The following B3GNT9 variants were observed in gnomAD, a reference collection of about 807,000 sequenced individuals.
The protein encoded by B3GNT9 is BGnT-9.
For synonymous variants in B3GNT9, 359 were observed against 283.9 expected, an observed-to-expected ratio of 1.26 and a Z score of -2.66; for missense variants, 669 against 599.2, an observed-to-expected ratio of 1.12 and a Z score of -1.22.
chr16:67,149,722 C>T lies in B3GNT9; in HGVS notation c.764G>A (p.Gly255Asp), dbSNP rs757372765. The change falls in exon 2 of 2, where the codon GGT (glycine) becomes GAT (aspartate). Residue 255 changes from glycine (G) to aspartate (D), a missense_variant. Coordinates refer to ENST00000449549, the MANE Select transcript of B3GNT9 (RefSeq NM_033309.3). ...PRDPAQDLLA[G>D]DVIVHARPIR... ...GGGCCGCGCATGCACAATTACGTCA[C>T]CAGCAAGCAGGTCTTGCGCCGGGTC... 1.2e-6 allele frequency: 2 copies of T among 1,613,412 alleles called. No homozygotes were observed. The highest frequency in any genetic ancestry group is 1.3e-5 in the African/African-American group (1 of 74,940).
Position 67,149,613 on chromosome 16 carries a change from G to T in B3GNT9, c.873C>A (p.Gly291=). ...PAYPAYAGGG[G]FVLSGATLHR... is the part of the protein sequence containing the mutation. ...GCAGCGTGGCCCCGGAAAGCACAAAGCCACCGCCGCCCGCGTAGGCCGGAT... is the reference window on the plus strand; with the variant it reads ...GCAGCGTGGCCCCGGAAAGCACAAATCCACCGCCGCCCGCGTAGGCCGGAT... Residue 291 remains glycine, a synonymous_variant, in exon 2 of 2, where the codon GGC becomes GGA. Transcript: ENST00000449549. 6.3e-7 allele frequency: 1 copy of T among 1,596,932 alleles called. No homozygotes were observed. Among genetic ancestry groups the T allele is most frequent in the Non-Finnish European group, 8.5e-7 (1 of 1,172,232 alleles).
Position 67,149,715 on chromosome 16 carries a change from T to TA in B3GNT9, c.770dup (p.Ile258AsnfsTer12), listed in dbSNP as rs1567659782. ...TGCGGATGGGCCGCGCATGCACAAT[T>TA]ACGTCACCAGCAAGCAGGTCTTGCG... On this transcript the variant is annotated frameshift_variant, in exon 2 of 2. Transcript: ENST00000449549. LOFTEE classifies it low-confidence loss of function (END_TRUNC). 1 of 1,613,430 alleles carries TA rather than the reference T, an allele frequency of 6.2e-7. No homozygotes were observed. Among genetic ancestry groups the TA allele is most frequent in the Non-Finnish European group, 8.5e-7 (1 of 1,179,772 alleles).
chr16:67,150,104 C>T lies in B3GNT9; in HGVS notation c.382G>A (p.Asp128Asn). Residue 128 changes from aspartate to asparagine, a missense_variant, in exon 2 of 2, where the codon GAC becomes AAC. Asp to Asn is a conservative substitution (Grantham distance 23). Transcript: ENST00000449549. ...LLIAVKSVAE[D>N]FERRQAVRQT... is the part of the protein sequence containing the mutation. ...CGCACGGCTTGGCGCCGCTCGAAGT[C>T]CTCTGCCACCGACTTGACAGCAATA... is the stretch of plus-strand genomic sequence containing the variant. The T allele has an allele frequency of 6.8e-7, 1 of 1,472,686 alleles. No homozygotes were observed. The highest frequency in any genetic ancestry group is 9.0e-7 in the Non-Finnish European group (1 of 1,113,792). 91.2% of individuals were successfully genotyped at this position (1,472,686 alleles called of 1,614,324 possible).
At position 67,149,592 on chromosome 16, in the gene B3GNT9, C is replaced by A; in HGVS notation, c.894G>T (p.Thr298=). Reference sequence around the variant, plus strand: ...CACAGGCGCCAGCCAGGCGGTGCAGCGTGGCCCCGGAAAGCACAAAGCCAC... The same window carrying A: ...CACAGGCGCCAGCCAGGCGGTGCAGAGTGGCCCCGGAAAGCACAAAGCCAC... ...GGGGFVLSGA[T]LHRLAGACAQ... is the part of the protein sequence containing the mutation. Residue 298 remains threonine (T), a synonymous_variant, in exon 2 of 2, where the codon ACG becomes ACT. Transcript: ENST00000449549. The A allele has an allele frequency of 2.5e-6, 4 of 1,599,804 alleles. No individual in the cohort carries two copies. Among genetic ancestry groups the A allele is most frequent in the Non-Finnish European group, 3.4e-6 (4 of 1,173,606 alleles).
chr16:67,149,544 G>A lies in B3GNT9; in HGVS notation c.942C>T (p.Ile314=), dbSNP rs747170449. 3 of 1,608,622 alleles carry A rather than the reference G, an allele frequency of 1.9e-6. No homozygotes were observed. Among genetic ancestry groups the A allele is most frequent in the Middle Eastern group, 1.6e-4 (1 of 6,078 alleles). ...GACAQVELFP[I]DDVFLGMCLQ... is the part of the protein sequence containing the mutation. The stretch of plus-strand genomic sequence containing the variant: ...GACACATGCCCAGAAAGACGTCGTC[G>A]ATGGGGAAGAGCTCGACCTGCGCAC... The change falls in exon 2 of 2, where the codon ATC becomes ATT. Residue 314 remains isoleucine (I), a synonymous_variant. Transcript: ENST00000449549.
Position 67,149,649 on chromosome 16 carries a change from G to A in B3GNT9, c.837C>T (p.Gly279=). ...SKYYIPEAVY[G]LPAYPAYAGG... is the part of the protein sequence containing the mutation. ...CCGCGTAGGCCGGATAGGCGGGCAG[G>A]CCGTACACGGCCTCGGGGATGTAGT... The change falls in exon 2 of 2, where the codon GGC becomes GGT. Residue 279 remains glycine (G), a synonymous_variant. Transcript: ENST00000449549. 6.2e-7 allele frequency: 1 copy of A among 1,601,958 alleles called. No individual in the cohort carries two copies. Among genetic ancestry groups the A allele is most frequent in the South Asian group, 1.1e-5 (1 of 89,952 alleles).
rs372257645 is a variant in B3GNT9, at chr16:67,149,573, C to T, written c.913G>A (p.Ala305Thr). 8.1e-6 allele frequency: 13 copies of T among 1,605,172 alleles called. No homozygotes were observed. Among genetic ancestry groups the T allele is most frequent in the South Asian group, 4.4e-5 (4 of 89,936 alleles). Residue 305 changes from alanine to threonine, a missense_variant, in exon 2 of 2, where the codon GCC (alanine) becomes ACC (threonine). By Grantham distance (58) the Ala-to-Thr change is moderately conservative. Coordinates refer to ENST00000449549, the MANE Select transcript of B3GNT9 (RefSeq NM_033309.3). ...GGGAAGAGCTCGACCTGCGCACAGG[C>T]GCCAGCCAGGCGGTGCAGCGTGGCC... is the stretch of plus-strand genomic sequence containing the variant. ...SGATLHRLAG[A>T]CAQVELFPID...
Position 67,149,623 on chromosome 16 carries a change from C to T in B3GNT9, c.863G>A (p.Gly288Asp), listed in dbSNP as rs1182091476. ...CCCGGAAAGCACAAAGCCACCGCCG[C>T]CCGCGTAGGCCGGATAGGCGGGCAG... ...YGLPAYPAYA[G>D]GGGFVLSGAT... The change falls in exon 2 of 2, where the codon GGC becomes GAC. Residue 288 changes from glycine to aspartate, a missense_variant. Transcript: ENST00000449549. 6.3e-7 allele frequency: 1 copy of T among 1,598,458 alleles called. No individual in the cohort carries two copies. Among genetic ancestry groups the T allele is most frequent in the Non-Finnish European group, 8.5e-7 (1 of 1,172,850 alleles).
chr16:67,149,734 T>G lies in B3GNT9; in HGVS notation c.752A>C (p.Asp251Ala). The G allele has an allele frequency of 6.2e-7, 1 of 1,613,656 alleles. No individual in the cohort carries two copies. Among genetic ancestry groups the G allele is most frequent in the Non-Finnish European group, 8.5e-7 (1 of 1,179,798 alleles). The change falls in exon 2 of 2, where the codon GAC becomes GCC. Residue 251 changes from aspartate to alanine, a missense_variant. Transcript: ENST00000449549. Reference protein sequence around the residue: ...EFLAPRDPAQDLLAGDVIVHA... With the variant: ...EFLAPRDPAQALLAGDVIVHA... ...CACAATTACGTCACCAGCAAGCAGGTCTTGCGCCGGGTCCCGCGGCGCCAG... is the reference window on the plus strand; with the variant it reads ...CACAATTACGTCACCAGCAAGCAGGGCTTGCGCCGGGTCCCGCGGCGCCAG...
intron 1 of B3GNT9, 68 bp from the exon 2 acceptor site, chr16:67,150,739 G>T (rs1045769991): frequency 5.5e-6 from 2 of 364,828 alleles, no homozygotes; most frequent in Admixed American, 4.7e-5. Flanking sequence ...CCAGGACTGC[G>T]ACCCAGGGCC....
In B3GNT9 at chr16:67,149,676, C is replaced by G; in HGVS notation, c.810G>C (p.Lys270Asn). ...CGTACACGGCCTCGGGGATGTAGTA[C>G]TTGCTAGCCCGCGTGCGGATGGGCC... ...HARPIRTRAS[K>N]YYIPEAVYGL... Residue 270 changes from lysine (K) to asparagine (N), a missense_variant, in exon 2 of 2, where the codon AAG becomes AAC. By Grantham distance (94) the Lys-to-Asn change is moderately conservative (BLOSUM62 0). Coordinates refer to ENST00000449549, the MANE Select transcript of B3GNT9 (RefSeq NM_033309.3). 6.2e-7 allele frequency: 1 copy of G among 1,609,704 alleles called. No homozygotes were observed. Among genetic ancestry groups the G allele is most frequent in the South Asian group, 1.1e-5 (1 of 90,716 alleles).
rs746020767 is a variant in B3GNT9 at position 67,149,674 on chromosome 16, T to C, written c.812A>G (p.Tyr271Cys). The C allele has an allele frequency of 6.2e-7, 1 of 1,609,492 alleles. No homozygotes were observed. Among genetic ancestry groups the C allele is most frequent in the East Asian group, 2.2e-5 (1 of 44,722 alleles). The change falls in exon 2 of 2, where the codon TAC (tyrosine) becomes TGC (cysteine). Residue 271 changes from tyrosine to cysteine, a missense_variant. Physicochemically the swap from Tyr to Cys is radical, Grantham distance 194. Transcript: ENST00000449549. The stretch of plus-strand genomic sequence containing the variant: ...GCCGTACACGGCCTCGGGGATGTAG[T>C]ACTTGCTAGCCCGCGTGCGGATGGG... ...ARPIRTRASK[Y>C]YIPEAVYGLP...
In B3GNT9 at chr16:67,148,491, G is replaced by A. The variant is rs908639572; in HGVS notation, c.*786C>T. 6.6e-6 allele frequency: 1 copy of A among 152,400 alleles called. No homozygotes were observed. The highest frequency in any genetic ancestry group is 2.4e-5 in the African/African-American group (1 of 41,462). 9.4% of individuals were successfully genotyped at this position (152,400 alleles called of 1,614,324 possible). A position where few individuals can be genotyped will look rare whatever the true frequency, so the allele number is the denominator to read the frequency against. On this transcript the variant is annotated 3_prime_UTR_variant, in exon 2 of 2. Transcript: ENST00000449549. ...ATCCCCTCTCCAATAAAGCACCTGTGCCCTCAGCAATGGCCTGCCATGTGC... is the reference window on the plus strand; with the variant it reads ...ATCCCCTCTCCAATAAAGCACCTGTACCCTCAGCAATGGCCTGCCATGTGC...
In B3GNT9 at chr16:67,150,588, CG is replaced by C. The variant is rs913274876; in HGVS notation, c.-104del. On this transcript the variant is annotated 5_prime_UTR_variant, in exon 2 of 2. Transcript: ENST00000449549. ...GCTGAGGGGGCGGGAGGCCACGCCC[CG>C]GGGGGGGCTCCAGCGACCGACGGTT... 107 of 998,358 alleles carry C rather than the reference CG, an allele frequency of 1.1e-4. No homozygotes were observed. The highest frequency in any genetic ancestry group is 1.3e-4 in the Non-Finnish European group (100 of 773,568). 61.8% of individuals were successfully genotyped at this position (998,358 alleles called of 1,614,324 possible).
In B3GNT9 at chr16:67,150,450, C is replaced by G; in HGVS notation, c.36G>C (p.Leu12Phe). ...GGGAGGCGCCAAGGAGCAGCGTGAG[C>G]AATGCGTCCCTGCGTAGGCGCAGCC... ...RRRLRLRRDA[L>F]LTLLLGASLG... is the part of the protein sequence containing the mutation. Residue 12 changes from leucine to phenylalanine, a missense_variant, in exon 2 of 2, where the codon TTG becomes TTC. By Grantham distance (22) the Leu-to-Phe change is conservative (BLOSUM62 0). Coordinates refer to ENST00000449549, the MANE Select transcript of B3GNT9 (RefSeq NM_033309.3). 7.5e-7 allele frequency: 1 copy of G among 1,342,220 alleles called. No individual in the cohort carries two copies. The highest frequency in any genetic ancestry group is 3.1e-5 in the East Asian group (1 of 32,678). 83.1% of individuals were successfully genotyped at this position (1,342,220 alleles called of 1,614,324 possible).
rs1249009214 is a variant in B3GNT9, at chr16:67,149,754, C to G, written c.732G>C (p.Ala244=). The G allele has an allele frequency of 6.2e-7, 1 of 1,613,622 alleles. No homozygotes were observed. The highest frequency in any genetic ancestry group is 8.5e-7 in the Non-Finnish European group (1 of 1,179,828). The part of the protein sequence containing the change: ...VNVGNLLEFL[A]PRDPAQDLLA... ...GCAGGTCTTGCGCCGGGTCCCGCGG[C>G]GCCAGGAACTCCAGGAGATTTCCCA... Residue 244 remains alanine (A), a synonymous_variant, in exon 2 of 2, where the codon GCG becomes GCC. Coordinates refer to ENST00000449549, the MANE Select transcript of B3GNT9 (RefSeq NM_033309.3).
At position 67,150,510 on chromosome 16, in the gene B3GNT9, C is replaced by G. The variant is rs1368197047; in HGVS notation, c.-25G>C. On this transcript the variant is annotated 5_prime_UTR_variant, in exon 2 of 2. Transcript: ENST00000449549. ...TCTCCGCGCGGCCTGCGCCCTCCCT[C>G]CCCTGTAAGGGTCGCAGTCGGCAGC... 7.8e-7 allele frequency: 1 copy of G among 1,277,674 alleles called. No homozygotes were observed. The highest frequency in any genetic ancestry group is 9.9e-7 in the Non-Finnish European group (1 of 1,012,974). 79.1% of individuals were successfully genotyped at this position (1,277,674 alleles called of 1,614,324 possible). A position where few individuals can be genotyped will look rare whatever the true frequency, so the allele number is the denominator to read the frequency against.
Position 67,150,995 on chromosome 16 carries a change from C to G in B3GNT9, c.-317G>C, listed in dbSNP as rs1407746724. The G allele has an allele frequency of 6.6e-6, 1 of 152,398 alleles. No individual in the cohort carries two copies. Among genetic ancestry groups the G allele is most frequent in the Non-Finnish European group, 1.5e-5 (1 of 68,202 alleles). 9.4% of individuals were successfully genotyped at this position (152,398 alleles called of 1,614,324 possible). A position where few individuals can be genotyped will look rare whatever the true frequency, so the allele number is the denominator to read the frequency against. On this transcript the variant is annotated 5_prime_UTR_variant, in exon 1 of 2. Transcript: ENST00000449549. ...GCAGGAAGGGGGACCGGTGCCGTGCCACGTGACCCTCCAGCTGTGCGCGCC... is the reference window on the plus strand; with the variant it reads ...GCAGGAAGGGGGACCGGTGCCGTGCGACGTGACCCTCCAGCTGTGCGCGCC...
At position 67,148,694 on chromosome 16, in the gene B3GNT9, TGAGGA is replaced by T. The variant is rs1010723056; in HGVS notation, c.*578_*582del. The T allele has an allele frequency of 3.3e-5, 5 of 151,952 alleles. No individual in the cohort carries two copies. The highest frequency in any genetic ancestry group is 7.4e-5 in the Non-Finnish European group (5 of 68,026). The allele number at this position is 151,952 out of a possible 1,614,324, so 9.4% of individuals were successfully genotyped here. A position where few individuals can be genotyped will look rare whatever the true frequency, so the allele number is the denominator to read the frequency against. ...GGCATTGTTGTGTGAGTTCAGGAGG[TGAGGA>T]AAGACTAGGTAGGACCGTGCACTCA... On this transcript the variant is annotated 3_prime_UTR_variant, in exon 2 of 2. Transcript: ENST00000449549.
Sources: gnomAD v4.1 joint callset for allele counts on GRCh38, gnomAD v4.1.1 for gene constraint, MANE v1.5 for transcripts, NCBI Gene and HGNC (gene_info 2026-07-23, HGNC 2026-07-21) for gene names.